HMGB1: variants seen among roughly 807,000 people sequenced by gnomAD.
The protein encoded by HMGB1 is high mobility group protein B1.
For missense variants in HMGB1, 79 were observed against 253.5 expected, an observed-to-expected ratio of 0.31 and a Z score of 4.67; for synonymous variants, 81 against 84.0, an observed-to-expected ratio of 0.96 and a Z score of 0.19.
chr13:30,554,095 A>G (rs914893583), intron 1 of HMGB1: 4 of 1,287,954 alleles, frequency 3.1e-6, no homozygotes, highest in African/African-American at 1.5e-5. Context: ...ACGGGATTCA[A>G]TGTGAAGCTC....
At chr13:30,468,547 C>T (rs1490307643), upstream of HMGB1, among the ~76,000 whole-genome samples, 1 of 152,194 alleles carries the variant, frequency 6.6e-6, no homozygotes, top group Non-Finnish European at 1.5e-5. Context: ...AGCCACTGCA[C>T]CCGGCCTTGT....
intron 1 of HMGB1, among the ~76,000 whole-genome samples, chr13:30,486,611 C>T (rs938088222): frequency 3.4e-4 from 52 of 152,172 alleles, no homozygotes; most frequent in African/African-American, 1.2e-3. Flanking sequence ...GCAGGGGAAC[C>T]TGTTGGACAG....
Position 30,559,458 on chromosome 13 carries a change from T to G in HMGB1, c.-15+57213A>C, listed in dbSNP as rs1055958785. ...ATAACCTGTCAAAAGAATGAAGTGA[T>G]GGAAGCCAGACTCAAACCAACTGTG... On this transcript the variant is annotated intron_variant, in intron 1 of 4. Coordinates refer to the HMGB1 transcript ENST00000405805. This position sits in a 1 kb window ranked among gnomAD's most constrained non-coding sequence, Gnocchi z 6.6. 6.6e-6 allele frequency among the ~76,000 whole-genome samples: 1 copy of G among 152,218 alleles called. No homozygotes were observed. The highest frequency in any genetic ancestry group is 2.4e-5 in the African/African-American group (1 of 41,448).
intron 1 of HMGB1, chr13:30,553,851 C>T: frequency 7.5e-7 from 1 of 1,328,898 alleles, no homozygotes; most frequent in South Asian, 1.2e-5. Flanking sequence ...TCGTGTTAAA[C>T]TGCAGAATAC....
At chr13:30,551,421 T>C (rs1173328508) in intron 1 of HMGB1, among the ~76,000 whole-genome samples, 1 of 152,226 alleles carries the variant, frequency 6.6e-6, no homozygotes, top group Non-Finnish European at 1.5e-5. Context: ...CTTCACTTTA[T>C]CTTGGCACCA....
chr13:30,601,893 T>C (rs563330734), intron 1 of HMGB1, among the ~76,000 whole-genome samples: 1 of 152,002 alleles, frequency 6.6e-6, no homozygotes, highest in East Asian at 1.9e-4. Flanking sequence ...GAACTGATGA[T>C]GTATGACTTC....
At chr13:30,515,281 G>T (rs1888077676) in intron 1 of HMGB1, among the ~76,000 whole-genome samples, 2 of 152,202 alleles carry the variant, frequency 1.3e-5, no homozygotes, top group South Asian at 4.1e-4. Flanking sequence ...GAATGAGCTT[G>T]GAAGTGGATG....
At chr13:30,556,297 C>T (rs567862446) in intron 1 of HMGB1, among the ~76,000 whole-genome samples, 11 of 152,176 alleles carry the variant, frequency 7.2e-5, no homozygotes, top group Admixed American at 2.0e-4. Context: ...CCCAGCTACT[C>T]GAGAGCTGAG....
At chr13:30,517,372 T>C (rs1888124175) in intron 1 of HMGB1, among the ~76,000 whole-genome samples, 1 of 152,356 alleles carries the variant, frequency 6.6e-6, no homozygotes, top group South Asian at 2.1e-4. Flanking sequence ...AAAAGCTGCA[T>C]AGGTGGTTTT....
intron 1 of HMGB1, among the ~76,000 whole-genome samples, chr13:30,502,032 T>G (rs1167712083): frequency 6.6e-6 from 1 of 152,196 alleles, no homozygotes; most frequent in Non-Finnish European, 1.5e-5. Flanking sequence ...ATTCAGTGCT[T>G]GGATTTTTTA....
At chr13:30,614,741 G>A (rs1037096656) in intron 1 of HMGB1, among the ~76,000 whole-genome samples, 5 of 152,078 alleles carry the variant, frequency 3.3e-5, no homozygotes, top group Non-Finnish European at 5.9e-5. Flanking sequence ...CTGTCGCTCA[G>A]GCTGGAGTGC....
intron 1 of HMGB1, among the ~76,000 whole-genome samples, chr13:30,496,638 T>G (rs1887614823): frequency 6.6e-6 from 1 of 152,200 alleles, no homozygotes. Context: ...AAGGGGGAGA[T>G]TCTTTATTAA....
rs144874808 is a variant in HMGB1 at position 30,609,186 on chromosome 13, C to T, written c.-15+7485G>A. ...GCTGAGGCAGGAGAATGGCGTGAACCCGGAAGGCGGAGCTTGCAGTGAGCC... is the reference window on the plus strand; with the variant it reads ...GCTGAGGCAGGAGAATGGCGTGAACTCGGAAGGCGGAGCTTGCAGTGAGCC... On this transcript the variant is annotated intron_variant, in intron 1 of 4. Transcript: ENST00000405805. 8.5e-5 allele frequency among the ~76,000 whole-genome samples: 13 copies of T among 152,262 alleles called. No individual in the cohort carries two copies. In the East Asian group the frequency reaches 2.5e-3, roughly 29 times the overall value.
In HMGB1 at chr13:30,464,136, TG is replaced by T. The variant is rs1293391481; in HGVS notation, c.-14-443del. 3 of 865,210 alleles carry T rather than the reference TG, an allele frequency of 3.5e-6. No individual in the cohort carries two copies. In the African/African-American group the frequency reaches 1.1e-4, roughly 32 times the overall value. 53.6% of individuals were successfully genotyped at this position (865,210 alleles called of 1,614,324 possible). The stretch of plus-strand genomic sequence containing the variant: ...TAAGCGAGTCGACTCTTCCTAATTA[TG>T]GGACCTTAAAAAAAAAAAATCACCG... On this transcript the variant is annotated intron_variant, in intron 1 of 4. Coordinates refer to ENST00000341423, the MANE Select transcript of HMGB1 (RefSeq NM_002128.7).
chr13:30,594,765 A>C (rs1424175942), intron 1 of HMGB1, among the ~76,000 whole-genome samples: 1 of 152,226 alleles, frequency 6.6e-6, no homozygotes, highest in Non-Finnish European at 1.5e-5. Context: ...TTGCTAGCTC[A>C]GATAAGTATT....
At chr13:30,541,671 C>A in intron 1 of HMGB1, 1 of 155,820 alleles carries the variant, frequency 6.4e-6, no homozygotes, top group South Asian at 1.8e-4. Context: ...AATGGTTGCT[C>A]AGCTACATCT....
intron 1 of HMGB1, among the ~76,000 whole-genome samples, chr13:30,599,482 C>G (rs1444736501): frequency 1.3e-5 from 2 of 151,946 alleles, no homozygotes; most frequent in African/African-American, 4.8e-5. Flanking sequence ...AACAAAAAAA[C>G]AAAAACAAAA....
At chr13:30,465,611 G>C (rs2137411433) in intron 1 of HMGB1, among the ~76,000 whole-genome samples, 185 bp downstream of exon 1, 1 of 151,278 alleles carries the variant, frequency 6.6e-6, no homozygotes, top group South Asian at 2.1e-4. Context: ...GGGCACCGGC[G>C]CGGGGCAGCG....
chr13:30,597,983 G>A (rs1439568723), intron 1 of HMGB1, among the ~76,000 whole-genome samples: 2 of 152,142 alleles, frequency 1.3e-5, no homozygotes, highest in Non-Finnish European at 1.5e-5. Context: ...GCATGCTTCC[G>A]ATAGCCTTAG....
Sources: gnomAD v4.1 joint callset for allele counts (sites outside exome capture counted in the v4.1 genomes callset) on GRCh38, gnomAD v4.1.1 for gene constraint, Gnocchi (gnomAD v3.1) non-coding constraint, MANE v1.5 for transcripts, NCBI Gene and HGNC (gene_info 2026-07-23, HGNC 2026-07-21) for gene names.